Variants in CRPPA observed in about 807,000 individuals in gnomAD.
CRPPA encodes the protein D-ribitol-5-phosphate cytidylyltransferase.
CRPPA carries 43 observed loss-of-function variants against 52.0 expected under a neutral mutation model. The observed-to-expected ratio is 0.83, with a 90% CI of 0.65 to 1.07. CRPPA has a LOEUF of 1.07. CRPPA is among the 50% of genes least tolerant of loss of function. The pLI is 0.00. For synonymous variants in CRPPA, 250 were observed against 203.5 expected, an observed-to-expected ratio of 1.23 and a Z score of -1.94; for missense variants, 629 against 551.7, an observed-to-expected ratio of 1.14 and a Z score of -1.40.
intron 2 of CRPPA, among the ~76,000 whole-genome samples, chr7:16,384,432 A>T (rs183828367): frequency 6.6e-6 from 1 of 152,354 alleles, no homozygotes; most frequent in Admixed American, 6.5e-5. Context: ...TGGGATTAGG[A>T]ACAAACCTCA....
intron 3 of CRPPA, among the ~76,000 whole-genome samples, chr7:16,326,399 A>C (rs1785390269): frequency 6.6e-6 from 1 of 152,194 alleles, no homozygotes; most frequent in Non-Finnish European, 1.5e-5. Flanking sequence ...TCCCTCTTAA[A>C]GTAGATGTCA....
At chr7:16,406,391 G>C in intron 1 of CRPPA, 54 bp from the exon 2 acceptor site, 1 of 1,477,904 alleles carries the variant, frequency 6.8e-7, no homozygotes, top group Non-Finnish European at 9.3e-7. Context: ...CAACTAAAGT[G>C]AGTAACAGAA....
chr7:16,155,793 G>A (rs1004555962), intron 9 of CRPPA, among the ~76,000 whole-genome samples: 9 of 152,108 alleles, frequency 5.9e-5, no homozygotes, highest in African/African-American at 2.2e-4. Flanking sequence ...TGTGCAGTGG[G>A]TCAGCACGTC....
chr7:16,399,095 G>C (rs1306613274), intron 2 of CRPPA, among the ~76,000 whole-genome samples: 1 of 152,140 alleles, frequency 6.6e-6, no homozygotes, highest in Admixed American at 6.5e-5. Flanking sequence ...ACACATGATA[G>C]ACGTGATCGT....
chr7:16,309,148 T>C (rs1299024742), intron 3 of CRPPA, among the ~76,000 whole-genome samples: 4 of 152,142 alleles, frequency 2.6e-5, no homozygotes, highest in African/African-American at 9.7e-5. Context: ...AATTTAGTCT[T>C]TCATTGTGCG....
At chr7:16,248,433 A>C (rs1783341145) in intron 8 of CRPPA, among the ~76,000 whole-genome samples, 1 of 152,206 alleles carries the variant, frequency 6.6e-6, no homozygotes, top group Non-Finnish European at 1.5e-5. Context: ...CACAGGTGGC[A>C]GATTCCGATT....
chr7:16,233,559 G>A (rs1782864843), intron 8 of CRPPA, among the ~76,000 whole-genome samples: 1 of 152,122 alleles, frequency 6.6e-6, no homozygotes, highest in Non-Finnish European at 1.5e-5. Flanking sequence ...GAAAACTACA[G>A]TGACTAATAC....
At chr7:16,246,570 A>G (rs1321197641) in intron 8 of CRPPA, among the ~76,000 whole-genome samples, 1 of 152,244 alleles carries the variant, frequency 6.6e-6, no homozygotes, top group East Asian at 1.9e-4. Context: ...CTTCAAAAAT[A>G]AGACATGAAA....
intron 4 of CRPPA, among the ~76,000 whole-genome samples, chr7:16,308,058 C>A (rs1784952307): frequency 1.3e-5 from 2 of 152,038 alleles, no homozygotes; most frequent in Non-Finnish European, 2.9e-5. Context: ...CGCCTTGGAG[C>A]TGTTCTCCAA....
intron 8 of CRPPA, among the ~76,000 whole-genome samples, chr7:16,249,232 G>A (rs1194836801): frequency 1.3e-5 from 2 of 152,116 alleles, no homozygotes; most frequent in East Asian, 1.9e-4. Context: ...CCCCAGTCAG[G>A]GGCTTATAGA....
At chr7:16,390,595 T>C (rs753673412) in intron 2 of CRPPA, among the ~76,000 whole-genome samples, 40 of 152,322 alleles carry the variant, frequency 2.6e-4, no homozygotes, top group Admixed American at 5.2e-4. Flanking sequence ...TCTCAGACTG[T>C]AAATGGTAAA....
chr7:16,349,684 A>C (rs1786097802), intron 3 of CRPPA, among the ~76,000 whole-genome samples: 1 of 152,122 alleles, frequency 6.6e-6, no homozygotes, highest in Admixed American at 6.6e-5. Context: ...AAGTGAACTC[A>C]AAGATCACCA....
In CRPPA at chr7:16,287,051, A is replaced by T. The variant is rs1784466279; in HGVS notation, c.836-8825T>A. Among the ~76,000 whole-genome samples, 8 of 152,186 alleles carry T rather than the reference A, an allele frequency of 5.3e-5. No homozygotes were observed. The South Asian group carries it at 1.4e-3, about 28-fold the overall frequency. ...GCTCATGTCATACTATATATTTTTA[A>T]TACTGCCTTTGCTTTTTATTGTGGT... On this transcript the variant is annotated intron_variant, in intron 5 of 9. Transcript: ENST00000407010.
chr7:16,143,050 C>T (rs1037444087), intron 9 of CRPPA, among the ~76,000 whole-genome samples: 7 of 152,142 alleles, frequency 4.6e-5, no homozygotes, highest in East Asian at 3.9e-4. Context: ...TATATTTTAT[C>T]GTCTTGTATT....
At chr7:16,162,147 AT>A (rs1298095438) in intron 9 of CRPPA, among the ~76,000 whole-genome samples, 1 of 151,796 alleles carries the variant, frequency 6.6e-6, no homozygotes, top group African/African-American at 2.4e-5. Flanking sequence ...AGATTCACTG[AT>A]TTTTTGAAGG....
chr7:16,142,638 T>A (rs1782895474), intron 9 of CRPPA, among the ~76,000 whole-genome samples: 1 of 152,184 alleles, frequency 6.6e-6, no homozygotes, highest in Admixed American at 6.5e-5. Flanking sequence ...TTATTTTAAA[T>A]TCATTTGGAC....
At chr7:16,327,223 T>C (rs1035436545) in intron 3 of CRPPA, among the ~76,000 whole-genome samples, 2 of 152,160 alleles carry the variant, frequency 1.3e-5, no homozygotes, top group Non-Finnish European at 2.9e-5. Flanking sequence ...CAAGTAGAAC[T>C]CAACCTTAAA....
intron 1 of CRPPA, among the ~76,000 whole-genome samples, chr7:16,417,557 C>T (rs764610892): frequency 2.0e-4 from 31 of 152,162 alleles, no homozygotes; most frequent in Non-Finnish European, 3.4e-4. Context: ...CCAATTACCA[C>T]AAGTTCTCCT....
intron 5 of CRPPA, among the ~76,000 whole-genome samples, chr7:16,282,219 G>T (rs929161714): frequency 6.6e-6 from 1 of 151,930 alleles, no homozygotes; most frequent in African/African-American, 2.4e-5. Context: ...CAAACACTGT[G>T]ATATTTTCAC....
Sources: allele counts gnomAD v4.1 joint callset (sites outside exome capture counted in the v4.1 genomes callset), GRCh38; gene constraint gnomAD v4.1.1; transcripts MANE v1.5; gene names NCBI Gene and HGNC (gene_info 2026-07-23, HGNC 2026-07-21).